Variants in IMMT observed in about 807,000 individuals in gnomAD.
IMMT encodes inner membrane mitochondrial protein.
A neutral mutation model predicts 92.7 loss-of-function variants in IMMT; 40 were observed. The ratio of observed to expected loss-of-function variants is 0.43; its 90% CI spans 0.34 to 0.56. IMMT has a LOEUF of 0.56. Among genes scored for constraint, IMMT ranks in the 20% least tolerant of loss-of-function variants. The probability of loss-of-function intolerance (pLI) is 0.03; values close to 1 mark genes in which losing one functional copy is unlikely to be tolerated. For missense variants in IMMT, 831 were observed against 912.1 expected (o/e 0.91, Z 1.14); for synonymous variants, 322 against 336.1 (o/e 0.96, Z 0.46).
intron 6 of IMMT, 40 bp from the exon 7 acceptor site, chr2:86,166,684 C>G: frequency 6.5e-7 from 1 of 1,546,168 alleles, no homozygotes; most frequent in Non-Finnish European, 8.7e-7. Context: ...CAAATCCTAC[C>G]CCCATAAATG....
chr2:86,160,385 G>C (rs1676183679), intron 8 of IMMT, among the ~76,000 whole-genome samples: 1 of 152,172 alleles, frequency 6.6e-6, no homozygotes. Context: ...GGCAGGCAAA[G>C]GCACAGGAGA....
intron 1 of IMMT, among the ~76,000 whole-genome samples, chr2:86,182,214 A>C (rs902724630): frequency 2.6e-5 from 4 of 152,366 alleles, no homozygotes; most frequent in Middle Eastern, 3.4e-3. Flanking sequence ...ATTTACACTT[A>C]TCAAATCCAT....
At chr2:86,177,581 A>G (rs1339518755) in intron 3 of IMMT, among the ~76,000 whole-genome samples, 25 of 152,090 alleles carry the variant, frequency 1.6e-4, no homozygotes, top group Non-Finnish European at 2.9e-5. Flanking sequence ...AGCCTGGGCG[A>G]CAGAACGAGA....
At chr2:86,179,097 A>T (rs763516642) in intron 3 of IMMT, among the ~76,000 whole-genome samples, 1 of 152,128 alleles carries the variant, frequency 6.6e-6, no homozygotes, top group African/African-American at 2.4e-5. Context: ...ACAAAAACAA[A>T]CTGCATCTGT....
intron 12 of IMMT, 83 bp from the exon 13 acceptor site, chr2:86,147,916 G>A (rs1675148369): frequency 1.5e-6 from 2 of 1,357,738 alleles, no homozygotes; most frequent in Admixed American, 3.7e-5. Context: ...TATCAACCAT[G>A]ACAACAGCAG....
intron 8 of IMMT, 116 bp from the exon 9 acceptor site, chr2:86,159,787 G>A: frequency 1.2e-6 from 1 of 835,514 alleles, no homozygotes; most frequent in Non-Finnish European, 1.7e-6. Context: ...GGGAGCAGTG[G>A]CTGATACCTG....
At chr2:86,176,150 A>G (rs1008664204) in intron 3 of IMMT, among the ~76,000 whole-genome samples, 2 of 152,242 alleles carry the variant, frequency 1.3e-5, no homozygotes, top group African/African-American at 4.8e-5. Flanking sequence ...AACTACAGAA[A>G]TAAAGGAGCC....
chr2:86,156,281 G>A (rs995760136), intron 10 of IMMT, among the ~76,000 whole-genome samples: 6 of 152,116 alleles, frequency 3.9e-5, no homozygotes, highest in African/African-American at 1.4e-4. Context: ...GAGAACCACT[G>A]TTTAACATTT....
intron 1 of IMMT, chr2:86,194,913 T>C (rs971036122): frequency 2.1e-5 from 4 of 192,126 alleles, no homozygotes; most frequent in Non-Finnish European, 4.7e-5. Flanking sequence ...TCGCTAGAAG[T>C]CCAGGCACCT....
intron 3 of IMMT, among the ~76,000 whole-genome samples, chr2:86,177,358 T>C (rs1040032324): frequency 2.0e-5 from 3 of 152,102 alleles, no homozygotes; most frequent in African/African-American, 7.2e-5. Context: ...ATCCCAGCAC[T>C]TTGGGAGGCT....
At position 86,195,386 on chromosome 2, in the gene IMMT, G is replaced by A. The variant is rs1323163512; in HGVS notation, c.-4C>T. On this transcript the variant is annotated 5_prime_UTR_variant, in exon 1 of 15. Coordinates refer to ENST00000410111, the MANE Select transcript of IMMT (RefSeq NM_006839.3). ...ATAACTGACAGGCCCGCAGCATCTC[G>A]GTCAAGCGGACGGCGCTGCTGGTGG... 4 of 1,548,618 alleles carry A rather than the reference G, an allele frequency of 2.6e-6. No homozygotes were observed. Among genetic ancestry groups the A allele is most frequent in the Admixed American group, 2.0e-5 (1 of 50,936 alleles).
chr2:86,191,833 T>A (rs913437482), intron 1 of IMMT, among the ~76,000 whole-genome samples: 1 of 150,558 alleles, frequency 6.6e-6, no homozygotes, highest in African/African-American at 2.4e-5. Flanking sequence ...GAGAATGGCA[T>A]GAACCCGGGA....
At chr2:86,148,965 C>G (rs898473534) in intron 12 of IMMT, among the ~76,000 whole-genome samples, 1 of 152,208 alleles carries the variant, frequency 6.6e-6, no homozygotes, top group Non-Finnish European at 1.5e-5. Flanking sequence ...GAACTTCTTG[C>G]TCTCACAGTG....
chr2:86,158,212 C>T (rs1254876171), intron 10 of IMMT, among the ~76,000 whole-genome samples: 5 of 152,148 alleles, frequency 3.3e-5, no homozygotes, highest in Admixed American at 2.6e-4. Context: ...TAATTCACTA[C>T]AAATACTTTT....
chr2:86,161,479 T>C (rs1175114126), intron 8 of IMMT, among the ~76,000 whole-genome samples: 1 of 150,058 alleles, frequency 6.7e-6, no homozygotes, highest in Non-Finnish European at 1.5e-5. Context: ...TATATTTTAT[T>C]CCTTCTCTCT....
chr2:86,177,076 A>C (rs1677479099), intron 3 of IMMT, among the ~76,000 whole-genome samples: 1 of 152,138 alleles, frequency 6.6e-6, no homozygotes, highest in South Asian at 2.1e-4. Context: ...GTTGGATGAC[A>C]TTTATTTTTC....
intron 10 of IMMT, among the ~76,000 whole-genome samples, chr2:86,155,125 A>T (rs1031660251): frequency 6.6e-6 from 1 of 152,122 alleles, no homozygotes; most frequent in Non-Finnish European, 1.5e-5. Flanking sequence ...AGCCTCCCAA[A>T]GTGCTAGGAT....
At chr2:86,188,641 G>C (rs1364663326) in intron 1 of IMMT, among the ~76,000 whole-genome samples, 1 of 152,192 alleles carries the variant, frequency 6.6e-6, no homozygotes, top group Admixed American at 6.5e-5. Context: ...GTCCAGGCTA[G>C]TCTTGAACTC....
At chr2:86,168,654 T>G (rs1558827140) in intron 6 of IMMT, among the ~76,000 whole-genome samples, 1 of 151,226 alleles carries the variant, frequency 6.6e-6, no homozygotes, top group Non-Finnish European at 1.5e-5. Context: ...TGATATCACA[T>G]GACAAAAAAT....
Sources: allele counts gnomAD v4.1 joint callset (sites outside exome capture counted in the v4.1 genomes callset), GRCh38; gene constraint gnomAD v4.1.1; transcripts MANE v1.5; gene names NCBI Gene and HGNC (gene_info 2026-07-23, HGNC 2026-07-21).